The following GINS1 variants were observed in gnomAD, a reference collection of about 807,000 sequenced individuals.
The protein encoded by GINS1 is DNA replication complex GINS protein PSF1.
In GINS1, 26 loss-of-function variants were observed where a neutral mutation model predicts 34.9. The ratio of observed to expected loss-of-function variants is 0.74; its 90% CI spans 0.55 to 1.03. GINS1 has a LOEUF of 1.03. Ranked by LOEUF, GINS1 falls within the 50% of genes least tolerant of loss-of-function variation. The pLI is 0.00. For synonymous variants in GINS1, 97 were observed against 84.4 expected, an observed-to-expected ratio of 1.15 and a Z score of -0.82; for missense variants, 235 against 237.9, an observed-to-expected ratio of 0.99 and a Z score of 0.08.
intron 4 of GINS1, among the ~76,000 whole-genome samples, chr20:25,424,904 A>T (rs185045101): frequency 5.3e-5 from 8 of 152,334 alleles, no homozygotes; most frequent in Non-Finnish European, 1.5e-5. Flanking sequence ...GAGTTTGAAG[A>T]TATAATTCTG....
intron 5 of GINS1, among the ~76,000 whole-genome samples, chr20:25,432,393 C>T (rs910562099): frequency 3.3e-5 from 5 of 151,966 alleles, no homozygotes; most frequent in Admixed American, 1.3e-4. Flanking sequence ...ACCTCCGCCT[C>T]CCGAGTTCAA....
chr20:25,446,445 G>T lies in GINS1; in HGVS notation c.*454G>T, dbSNP rs2387887. The T allele has an allele frequency of 0.46, 70,132 of 152,864 alleles. 16,719 individuals carry two copies. Among genetic ancestry groups the T allele is most frequent in the East Asian group, 0.92 (4,786 of 5,216 alleles). The allele number at this position is 152,864 out of a possible 1,614,324, so 9.5% of individuals were successfully genotyped here. On this transcript the variant is annotated 3_prime_UTR_variant, in exon 7 of 7. Coordinates refer to ENST00000262460, the MANE Select transcript of GINS1 (RefSeq NM_021067.5). ...GGTTACATTTGAATCTCTTAAATAA[G>T]CAGTCACTTGGCTGGACAGGAAGAA...
At chr20:25,428,664 A>G (rs2090407420) in intron 5 of GINS1, among the ~76,000 whole-genome samples, 1 of 151,798 alleles carries the variant, frequency 6.6e-6, no homozygotes, top group Non-Finnish European at 1.5e-5. Context: ...TCGGCCTCCC[A>G]AAGTGCTGGG....
intron 5 of GINS1, among the ~76,000 whole-genome samples, chr20:25,434,203 G>A (rs2090441787): frequency 6.6e-6 from 1 of 151,894 alleles, no homozygotes; most frequent in Admixed American, 6.6e-5. Context: ...AGAATCACTT[G>A]AACCAGGAGG....
rs770572674 is a variant in GINS1, at chr20:25,407,797, C to T, written c.-24C>T. 6.2e-7 allele frequency: 1 copy of T among 1,600,974 alleles called. No individual in the cohort carries two copies. Among genetic ancestry groups the T allele is most frequent in the Non-Finnish European group, 8.5e-7 (1 of 1,171,604 alleles). ...GCGTGAGAGCTGGTGGTTGGCAAGG[C>T]CGCGGGAGTGGGAAGCGTCCGCCAT... On this transcript the variant is annotated 5_prime_UTR_variant, in exon 1 of 7. Coordinates refer to ENST00000262460, the MANE Select transcript of GINS1 (RefSeq NM_021067.5).
chr20:25,422,218 C>T (rs1330665906), intron 4 of GINS1, among the ~76,000 whole-genome samples: 2 of 151,972 alleles, frequency 1.3e-5, no homozygotes, highest in African/African-American at 4.8e-5. Context: ...CCTTTGTGTC[C>T]CTCCTCCCAG....
chr20:25,409,186 G>A (rs1414255404), intron 1 of GINS1, among the ~76,000 whole-genome samples: 1 of 152,242 alleles, frequency 6.6e-6, no homozygotes, highest in Non-Finnish European at 1.5e-5. Flanking sequence ...CAGCCTACAT[G>A]AATTTGTTGT....
chr20:25,413,123 G>A lies in GINS1; in HGVS notation c.76-667G>A, dbSNP rs531608467. Reference sequence around the variant, plus strand: ...TGCTCAGGCTGGAGTGCAATGGCATGATCTTGGCTCATTGCAACCCGGGTT... The same window carrying A: ...TGCTCAGGCTGGAGTGCAATGGCATAATCTTGGCTCATTGCAACCCGGGTT... On this transcript the variant is annotated intron_variant, in intron 1 of 6. Transcript: ENST00000262460. Among the ~76,000 whole-genome samples the A allele has an allele frequency of 2.7e-5, 4 of 150,394 alleles. 1 individual carries two copies. The South Asian group carries it at 8.4e-4, about 32-fold the overall frequency.
chr20:25,416,715 A>G (rs970690289), intron 2 of GINS1, among the ~76,000 whole-genome samples: 3 of 152,220 alleles, frequency 2.0e-5, no homozygotes, highest in African/African-American at 4.8e-5. Flanking sequence ...GGGAGGTACT[A>G]TGTAGAATAG....
At chr20:25,417,002 A>C in intron 2 of GINS1, 102 bp from the exon 3 acceptor site, 1 of 592,854 alleles carries the variant, frequency 1.7e-6, no homozygotes, top group Non-Finnish European at 3.0e-6. Flanking sequence ...CTAATCACAA[A>C]TGGATTAAAA....
At chr20:25,408,628 C>T (rs1056796356) in intron 1 of GINS1, among the ~76,000 whole-genome samples, 2 of 152,062 alleles carry the variant, frequency 1.3e-5, no homozygotes, top group African/African-American at 4.8e-5. Context: ...GAGGCTGAGG[C>T]GGGAGGATCG....
chr20:25,407,746 G>T lies in GINS1; in HGVS notation c.-75G>T. On this transcript the variant is annotated 5_prime_UTR_variant, in exon 1 of 7. Transcript: ENST00000262460. Reference sequence around the variant, plus strand: ...GTAGGACTAGAACGAAAGGAGTGAGGCGCCGAGAGCCCAGATACCATTTTG... The same window carrying T: ...GTAGGACTAGAACGAAAGGAGTGAGTCGCCGAGAGCCCAGATACCATTTTG... 1 of 1,118,546 alleles carries T rather than the reference G, an allele frequency of 8.9e-7. No individual in the cohort carries two copies. The highest frequency in any genetic ancestry group is 1.4e-6 in the Non-Finnish European group (1 of 737,508). 69.3% of individuals were successfully genotyped at this position (1,118,546 alleles called of 1,614,324 possible).
At position 25,441,707 on chromosome 20, in the gene GINS1, G is replaced by A. The variant is rs973422242; in HGVS notation, c.453G>A (p.Arg151=). 1.3e-6 allele frequency: 2 copies of A among 1,524,250 alleles called. No homozygotes were observed. Among genetic ancestry groups the A allele is most frequent in the Admixed American group, 2.0e-5 (1 of 51,158 alleles). 94.4% of individuals were successfully genotyped at this position (1,524,250 alleles called of 1,614,324 possible). ...KPPKSLYIEV[R]CLKDYGEFEV... The stretch of plus-strand genomic sequence containing the variant: ...TCTCTCATTTTTTCTTTCAGGTCCG[G>A]TGTCTAAAAGACTATGGAGAATTTG... Residue 151 remains arginine (R), a synonymous_variant, in exon 6 of 7, where the codon CGG becomes CGA. Coordinates refer to ENST00000262460, the MANE Select transcript of GINS1 (RefSeq NM_021067.5).
chr20:25,412,671 C>T (rs1338275378), intron 1 of GINS1, among the ~76,000 whole-genome samples: 3 of 152,156 alleles, frequency 2.0e-5, no homozygotes, highest in African/African-American at 7.2e-5. Context: ...GTATAATTTA[C>T]ATACAACATG....
intron 2 of GINS1, among the ~76,000 whole-genome samples, chr20:25,415,545 C>A (rs141827351): frequency 6.6e-6 from 1 of 151,948 alleles, no homozygotes. Context: ...ATTAGCCATG[C>A]GTGGTGGCGC....
chr20:25,444,717 G>A (rs188460984), intron 6 of GINS1, among the ~76,000 whole-genome samples: 4 of 152,184 alleles, frequency 2.6e-5, no homozygotes, highest in African/African-American at 9.7e-5. Context: ...CCTGGTATTT[G>A]AGAGGGAAGG....
chr20:25,423,356 T>C (rs1407050668), intron 4 of GINS1, among the ~76,000 whole-genome samples: 2 of 150,278 alleles, frequency 1.3e-5, no homozygotes, highest in Non-Finnish European at 3.0e-5. Flanking sequence ...TCAAGAGATA[T>C]GCCCACCTTG....
intron 1 of GINS1, among the ~76,000 whole-genome samples, chr20:25,408,569 C>G (rs1317284815): frequency 6.6e-6 from 1 of 152,088 alleles, no homozygotes; most frequent in Admixed American, 6.6e-5. Flanking sequence ...TCTAATAACC[C>G]TTTGAGGGCC....
chr20:25,417,502 A>G (rs1422612029), intron 3 of GINS1, among the ~76,000 whole-genome samples: 3 of 152,168 alleles, frequency 2.0e-5, no homozygotes, highest in Non-Finnish European at 4.4e-5. Flanking sequence ...ATTTAAGTGC[A>G]TCACGGTCTT....
Sources: allele counts gnomAD v4.1 joint callset (sites outside exome capture counted in the v4.1 genomes callset), GRCh38; gene constraint gnomAD v4.1.1; transcripts MANE v1.5; gene names NCBI Gene and HGNC (gene_info 2026-07-23, HGNC 2026-07-21).